Variants in KDR observed in about 807,000 individuals in gnomAD.
KDR encodes vascular endothelial growth factor receptor 2.
In KDR, 43 loss-of-function variants were observed where a neutral mutation model predicts 160.9. The ratio of observed to expected loss-of-function variants is 0.27; its 90% CI spans 0.21 to 0.34. The LOEUF is 0.34. Among genes scored for constraint, KDR ranks in the 10% least tolerant of loss-of-function variants. The pLI, the probability that KDR is intolerant of heterozygous loss-of-function variation, is 1.00. For missense variants in KDR, 1,469 were observed against 1,666.4 expected (o/e 0.88, Z 2.06); for synonymous variants, 617 against 600.1 (o/e 1.03, Z -0.41).
chr4:55,107,844 G>A lies in KDR; in HGVS notation c.1305C>T (p.Tyr435=), dbSNP rs1313547145. 1 of 1,613,974 alleles carries A rather than the reference G, an allele frequency of 6.2e-7. No homozygotes were observed. The highest frequency in any genetic ancestry group is 1.7e-5 in the Admixed American group (1 of 59,998). The change falls in exon 10 of 30, where the codon TAC becomes TAT. Residue 435 remains tyrosine, a synonymous_variant. Transcript: ENST00000263923. The part of the protein sequence containing the change: ...EKSLISPVDS[Y]QYGTTQTLTC... ...TCAGCGTTTGAGTGGTGCCGTACTGGTAGGAATCCACAGGAGAGATTAGAG... is the reference window on the plus strand; with the variant it reads ...TCAGCGTTTGAGTGGTGCCGTACTGATAGGAATCCACAGGAGAGATTAGAG...
At chr4:55,122,911 GT>G (rs1720929765) in intron 1 of KDR, 1 of 152,048 alleles carries the variant, frequency 6.6e-6, no homozygotes, top group African/African-American at 2.4e-5. Flanking sequence ...AATTTGCACA[GT>G]ACTTTGTGCG....
chr4:55,105,850 T>G lies in KDR; in HGVS notation c.1627A>C (p.Ile543Leu). Residue 543 changes from isoleucine (I) to leucine (L), a missense_variant, in exon 12 of 30, where the codon ATC (isoleucine) becomes CTC (leucine). Ile to Leu is a conservative substitution (Grantham distance 5). This residue lies in a region of KDR where 792 missense variants were observed against 840.9 expected (regional missense o/e 0.94). Transcript: ENST00000263923. The part of the protein sequence containing the change: ...VNKVGRGERV[I>L]SFHVTRGPEI... ...TACTTACTGGTCACGTGGAAGGAGA[T>G]CACCCTCTCTCCTCTCCCGACTTTG... 1 of 1,604,542 alleles carries G rather than the reference T, an allele frequency of 6.2e-7. No individual in the cohort carries two copies. Among genetic ancestry groups the G allele is most frequent in the South Asian group, 1.1e-5 (1 of 90,880 alleles).
rs141255371 is a variant in KDR at position 55,102,246 on chromosome 4, G to A, written c.2134+116C>T. 1.0e-3 allele frequency: 1,359 copies of A among 1,346,572 alleles called. 17 individuals are homozygous for A. In the African/African-American group the frequency reaches 0.017, roughly 17 times the overall value. 83.4% of individuals were successfully genotyped at this position (1,346,572 alleles called of 1,614,324 possible). ...ATTCTAAGTCTGTGAAATGAGCCAG[G>A]TCATGGACACCAATACTGCTTTTTT... On this transcript the variant is annotated intron_variant, in intron 14 of 29. Transcript: ENST00000263923.
intron 1 of KDR, among the ~76,000 whole-genome samples, chr4:55,124,029 G>T (rs1246581864): frequency 6.6e-6 from 1 of 152,222 alleles, no homozygotes; most frequent in East Asian, 1.9e-4. Flanking sequence ...CCAGAAAGGG[G>T]GAGAGAGAGG....
In KDR at chr4:55,114,761, C is replaced by A. The variant is rs192319219; in HGVS notation, c.658+113G>T. On this transcript the variant is annotated intron_variant, in intron 5 of 29. Coordinates refer to ENST00000263923, the MANE Select transcript of KDR (RefSeq NM_002253.4). ...GAAGAGCAGATGAATTGCCCAACAC[C>A]ATATCCTGAGTTCCTATACTTTTCA... The A allele has an allele frequency of 1.5e-3, 1,376 of 937,292 alleles. 5 individuals are homozygous for A. The highest frequency in any genetic ancestry group is 1.7e-3 in the Admixed American group (94 of 54,590). 58.1% of individuals were successfully genotyped at this position (937,292 alleles called of 1,614,324 possible).
intron 1 of KDR, among the ~76,000 whole-genome samples, chr4:55,121,930 A>G (rs74566657): frequency 0.05 from 7,683 of 152,226 alleles, 544 homozygotes; most frequent in African/African-American, 0.16. Flanking sequence ...TTTAAAAAGT[A>G]TATGAATATT....
In KDR at chr4:55,101,981, T is replaced by C. The variant is rs1720322781; in HGVS notation, c.2182A>G (p.Arg728Gly). The C allele has an allele frequency of 1.2e-6, 2 of 1,613,742 alleles. No homozygotes were observed. Among genetic ancestry groups the C allele is most frequent in the Non-Finnish European group, 1.7e-6 (2 of 1,179,726 alleles). ...GNRNLTIRRVRKEDEGLYTCQ... is the reference protein window; with the variant it reads ...GNRNLTIRRVGKEDEGLYTCQ... ...GTGTAGAGGCCTTCGTCCTCCTTCC[T>C]CACTCTGCGGATAGTGAGGTTCCGG... The change falls in exon 15 of 30, where the codon AGG becomes GGG. Residue 728 changes from arginine (R) to glycine (G), a missense_variant. By Grantham distance (125) the Arg-to-Gly change is moderately radical. This residue lies in a region of KDR where 39 missense variants were observed against 72.1 expected (regional missense o/e 0.54). Coordinates refer to ENST00000263923, the MANE Select transcript of KDR (RefSeq NM_002253.4).
At chr4:55,084,827 T>C (rs1719818989) in intron 27 of KDR, among the ~76,000 whole-genome samples, 1 of 152,200 alleles carries the variant, frequency 6.6e-6, no homozygotes, top group South Asian at 2.1e-4. Flanking sequence ...ACTGTTCTCT[T>C]GTCATGCATG....
chr4:55,105,102 G>T, intron 12 of KDR, 118 bp from the exon 13 acceptor site: 1 of 826,342 alleles, frequency 1.2e-6, no homozygotes, highest in Non-Finnish European at 2.0e-6. Context: ...ATCCGTTCCA[G>T]GTGATGTACT....
intron 29 of KDR, among the ~76,000 whole-genome samples, 159 bp downstream of exon 29, chr4:55,081,797 A>G (rs1719740170): frequency 6.6e-6 from 1 of 152,182 alleles, no homozygotes; most frequent in Non-Finnish European, 1.5e-5. Context: ...ACTTAATTTT[A>G]TTGTGTGGTT....
rs757898712 is a variant in KDR, at chr4:55,110,513, A to T, written c.1145T>A (p.Val382Glu). The part of the protein sequence containing the change: ...ESNHTIKAGH[V>E]LTIMEVSERD... ...TTCACTCACTTCCATAATCGTCAGT[A>T]CATGCCCCGCTTTAATTGTGTGATT... The change falls in exon 9 of 30, where the codon GTA becomes GAA. Residue 382 changes from valine (V) to glutamate (E), a missense_variant. Physicochemically the swap from Val to Glu is moderately radical, Grantham distance 121 (BLOSUM62 -2). Around this residue, in one of 7 missense-constraint regions of KDR, gnomAD observed 792 missense variants for 840.9 expected, o/e 0.94. Coordinates refer to ENST00000263923, the MANE Select transcript of KDR (RefSeq NM_002253.4). The T allele has an allele frequency of 1.2e-6, 2 of 1,614,066 alleles. No homozygotes were observed. The highest frequency in any genetic ancestry group is 2.2e-5 in the South Asian group (2 of 91,078).
At position 55,095,678 on chromosome 4, in the gene KDR, T is replaced by C. The variant is rs1218743462; in HGVS notation, c.2729-13A>G. On this transcript the variant is annotated splice_polypyrimidine_tract_variant and intron_variant, in intron 19 of 29. Coordinates refer to ENST00000263923, the MANE Select transcript of KDR (RefSeq NM_002253.4). ...ACCATGAGTGGCCCTGCAGGCAGCATGTCCAGGAAGGAAAATGGGTTTTCA... is the reference window on the plus strand; with the variant it reads ...ACCATGAGTGGCCCTGCAGGCAGCACGTCCAGGAAGGAAAATGGGTTTTCA... 1.9e-6 allele frequency: 3 copies of C among 1,607,882 alleles called. No individual in the cohort carries two copies. The highest frequency in any genetic ancestry group is 8.5e-7 in the Non-Finnish European group (1 of 1,174,498).
chr4:55,110,689 C>T lies in KDR; in HGVS notation c.1056G>A (p.Ala352=), dbSNP rs113965434. 233 of 1,613,574 alleles carry T rather than the reference C, an allele frequency of 1.4e-4. No homozygotes were observed. In the Middle Eastern group the frequency reaches 2.0e-3, roughly 14 times the overall value. ...CTGGGGGTGGGTAACCAAGGTACTT[C>T]GCAGGGATTCTGACACGCTCCCCCA... ...ATVGERVRIP[A]KYLGYPPPEI... is the part of the protein sequence containing the mutation. The change falls in exon 8 of 30, where the codon GCG becomes GCA. Residue 352 remains alanine (A), a synonymous_variant. Coordinates refer to ENST00000263923, the MANE Select transcript of KDR (RefSeq NM_002253.4).
rs551170854 is a variant in KDR, at chr4:55,112,789, C to T, written c.976+515G>A. On this transcript the variant is annotated intron_variant, in intron 7 of 29. Transcript: ENST00000263923. ...AGGTGATCCACCCACCTCAGACTCCCAAAGTGTTGGGATTACAGGCGTGAG... is the reference window on the plus strand; with the variant it reads ...AGGTGATCCACCCACCTCAGACTCCTAAAGTGTTGGGATTACAGGCGTGAG... Among the ~76,000 whole-genome samples the T allele has an allele frequency of 2.6e-5, 4 of 152,086 alleles. No homozygotes were observed. The South Asian group carries it at 8.3e-4, about 32-fold the overall frequency.
chr4:55,101,984 C>T lies in KDR; in HGVS notation c.2179G>A (p.Val727Met), dbSNP rs2110020674. Residue 727 changes from valine to methionine, a missense_variant, in exon 15 of 30, where the codon GTG (valine) becomes ATG (methionine). This residue lies in a region of KDR where 39 missense variants were observed against 72.1 expected (regional missense o/e 0.54). Coordinates refer to ENST00000263923, the MANE Select transcript of KDR (RefSeq NM_002253.4). Reference sequence around the variant, plus strand: ...TAGAGGCCTTCGTCCTCCTTCCTCACTCTGCGGATAGTGAGGTTCCGGTTC... The same window carrying T: ...TAGAGGCCTTCGTCCTCCTTCCTCATTCTGCGGATAGTGAGGTTCCGGTTC... ...DGNRNLTIRR[V>M]RKEDEGLYTC... 6.2e-7 allele frequency: 1 copy of T among 1,613,756 alleles called. No individual in the cohort carries two copies. The highest frequency in any genetic ancestry group is 8.5e-7 in the Non-Finnish European group (1 of 1,179,744).
intron 1 of KDR, among the ~76,000 whole-genome samples, chr4:55,122,061 T>C (rs1720894521): frequency 1.3e-5 from 2 of 152,224 alleles, no homozygotes; most frequent in South Asian, 4.1e-4. Flanking sequence ...AGTGCAATGC[T>C]AATGAATTAC....
Position 55,114,118 on chromosome 4 carries a change from A to G in KDR, c.798+8T>C. 1 of 1,613,926 alleles carries G rather than the reference A, an allele frequency of 6.2e-7. No homozygotes were observed. Among genetic ancestry groups the G allele is most frequent in the Non-Finnish European group, 8.5e-7 (1 of 1,179,818 alleles). On this transcript the variant is annotated splice_region_variant and intron_variant, in intron 6 of 29. Transcript: ENST00000263923. The stretch of plus-strand genomic sequence containing the variant: ...TTTGGAGGTCTGGCTTTGAATCATT[A>G]GCGTTACCTTCGAAGAAGGGTATTC...
rs763211492 is a variant in KDR, at chr4:55,118,808, A to G, written c.162-8T>C. The G allele has an allele frequency of 1.9e-6, 3 of 1,611,694 alleles. No individual in the cohort carries two copies. The highest frequency in any genetic ancestry group is 3.3e-5 in the Admixed American group (2 of 59,990). ...TCCAAGTCCCTCTGTCCCCTGAAAA[A>G]TTAATTTCAGGGAGGTATTAATATG... On this transcript the variant is annotated splice_region_variant and splice_polypyrimidine_tract_variant and intron_variant, in intron 2 of 29. Coordinates refer to ENST00000263923, the MANE Select transcript of KDR (RefSeq NM_002253.4).
At chr4:55,089,627 G>A in intron 24 of KDR, 64 bp downstream of exon 24, 1 of 1,487,456 alleles carries the variant, frequency 6.7e-7, no homozygotes, top group South Asian at 1.1e-5. Context: ...GTACAGGAGA[G>A]GAAAAGACAA....
Sources: gnomAD v4.1 joint callset for allele counts (sites outside exome capture counted in the v4.1 genomes callset) on GRCh38, gnomAD v4.1.1 for gene constraint, gnomAD v4.1.1 regional missense constraint, MANE v1.5 for transcripts, NCBI Gene and HGNC (gene_info 2026-07-23, HGNC 2026-07-21) for gene names.